The following HAPSTR1 variants were observed in gnomAD, a reference collection of about 807,000 sequenced individuals.
HAPSTR1 encodes HUWE1 associated protein modifying stress responses.
chr16:9,095,025 C>G, the HAPSTR1 span, among the ~76,000 whole-genome samples: 1 of 152,174 alleles, frequency 6.6e-6, no homozygotes, highest in Non-Finnish European at 1.5e-5. Context: ...TTTTCCTGCT[C>G]AGAAAACTTA....
the HAPSTR1 span, among the ~76,000 whole-genome samples, chr16:9,095,936 C>G: frequency 6.6e-5 from 10 of 151,984 alleles, no homozygotes; most frequent in African/African-American, 2.4e-4. Context: ...CTTCAATATT[C>G]AGTAGTATCC....
chr16:9,103,505 TC>T, the HAPSTR1 span: 108 of 467,124 alleles, frequency 2.3e-4, no homozygotes, highest in Middle Eastern at 1.7e-3. Context: ...GACATATCTT[TC>T]TGCAGTGTTG....
the HAPSTR1 span, chr16:9,091,672 C>G: frequency 5.0e-6 from 2 of 398,820 alleles, no homozygotes; most frequent in African/African-American, 2.1e-5. Context: ...CTCCGCGGTG[C>G]AGGCCGAGCT....
the HAPSTR1 span, among the ~76,000 whole-genome samples, chr16:9,097,273 C>T: frequency 2.7e-5 from 4 of 145,738 alleles, no homozygotes; most frequent in African/African-American, 1.0e-4. Context: ...GACAGGGTCT[C>T]ATTCTGTCAC....
At chr16:9,100,557 AG>A in the HAPSTR1 span, among the ~76,000 whole-genome samples, 1 of 150,682 alleles carries the variant, frequency 6.6e-6, no homozygotes, top group African/African-American at 2.4e-5. Context: ...TTTTTGAGAG[AG>A]AGTCTTACTC....
chr16:9,117,530 C>G, the HAPSTR1 span: 1 of 153,174 alleles, frequency 6.5e-6, no homozygotes, highest in East Asian at 1.9e-4. Flanking sequence ...AATATTGAAT[C>G]AATGCCCAGA....
At chr16:9,097,543 TA>T in the HAPSTR1 span, among the ~76,000 whole-genome samples, 29 of 152,346 alleles carry the variant, frequency 1.9e-4, no homozygotes, top group Non-Finnish European at 3.7e-4. Flanking sequence ...AGCCTGTGTG[TA>T]GTTTTTCTGT....
At chr16:9,100,902 C>CT in the HAPSTR1 span, among the ~76,000 whole-genome samples, 2 of 152,262 alleles carry the variant, frequency 1.3e-5, no homozygotes, top group African/African-American at 2.4e-5. Context: ...ATGCTTTAGA[C>CT]TTTTTTTCCT....
the HAPSTR1 span, among the ~76,000 whole-genome samples, chr16:9,094,143 A>T: frequency 6.6e-6 from 1 of 152,176 alleles, no homozygotes; most frequent in African/African-American, 2.4e-5. Context: ...AGTAGACTAC[A>T]GTTTTTTGGG....
chr16:9,110,528 T>C, the HAPSTR1 span: 1 of 152,188 alleles, frequency 6.6e-6, no homozygotes, highest in Non-Finnish European at 1.5e-5. Context: ...CAGAGTGATA[T>C]AGAAAGGAAG....
the HAPSTR1 span, among the ~76,000 whole-genome samples, chr16:9,094,497 T>G: frequency 1.3e-5 from 2 of 152,180 alleles, no homozygotes; most frequent in Non-Finnish European, 2.9e-5. Flanking sequence ...ATTTTTTTTT[T>G]TTAAGAAGTA....
the HAPSTR1 span, among the ~76,000 whole-genome samples, chr16:9,093,329 A>G: frequency 6.6e-5 from 10 of 152,192 alleles, no homozygotes; most frequent in South Asian, 1.2e-3. Context: ...TCAGCGAAGA[A>G]TTATCATGCC....
At chr16:9,118,599 T>G in the HAPSTR1 span, 9 of 152,526 alleles carry the variant, frequency 5.9e-5, 1 homozygote, top group South Asian at 4.1e-4. Context: ...AGTGGGTCAT[T>G]TTTTGTTTGA....
chr16:9,109,867 G>C, the HAPSTR1 span: 1 of 151,898 alleles, frequency 6.6e-6, no homozygotes, highest in East Asian at 1.9e-4. Flanking sequence ...AGGCCTTTTT[G>C]GTTTGAAAAC....
the HAPSTR1 span, chr16:9,117,541 G>A: frequency 2.0e-5 from 3 of 153,082 alleles, no homozygotes; most frequent in South Asian, 6.2e-4. Context: ...AATGCCCAGA[G>A]CTTTATTGGA....
chr16:9,119,125 G>C, the HAPSTR1 span: 40 of 152,688 alleles, frequency 2.6e-4, no homozygotes, highest in African/African-American at 9.1e-4. Flanking sequence ...TGCACCTAAT[G>C]AATTTGTCAC....
At chr16:9,106,670 C>T in the HAPSTR1 span, 2 of 152,036 alleles carry the variant, frequency 1.3e-5, no homozygotes, top group Admixed American at 6.6e-5. Context: ...CACTTGTTCG[C>T]AACATGTTGC....
At chr16:9,102,248 T>A in the HAPSTR1 span, among the ~76,000 whole-genome samples, 1 of 152,274 alleles carries the variant, frequency 6.6e-6, no homozygotes, top group Non-Finnish European at 1.5e-5. Context: ...GGTGATGTTC[T>A]GCTGGCACAG....
the HAPSTR1 span, among the ~76,000 whole-genome samples, chr16:9,114,565 G>A: frequency 7.9e-3 from 1,199 of 152,270 alleles, 17 homozygotes; most frequent in African/African-American, 0.027. Flanking sequence ...GCTGCAAATT[G>A]CATGATGTTG....
Sources: allele counts gnomAD v4.1 joint callset (sites outside exome capture counted in the v4.1 genomes callset), GRCh38; gene constraint gnomAD v4.1.1; transcripts MANE v1.5; gene names NCBI Gene and HGNC (gene_info 2026-07-23, HGNC 2026-07-21).